Variants in TTLL11 observed in about 807,000 individuals in gnomAD.
The protein encoded by TTLL11 is tubulin tyrosine ligase like 11, also known as tubulin polyglutamylase TTLL11.
A neutral mutation model predicts 51.7 loss-of-function variants in TTLL11; 42 were observed. The ratio of observed to expected loss-of-function variants is 0.81; its 90% CI spans 0.64 to 1.05. The LOEUF (loss-of-function observed/expected upper bound fraction) is 1.05. Among genes scored for constraint, TTLL11 ranks in the 50% least tolerant of loss-of-function variants. The pLI is 0.00. For missense variants in TTLL11, 799 were observed against 940.4 expected (o/e 0.85, Z 1.97); for synonymous variants, 381 against 383.5 (o/e 0.99, Z 0.08).
At chr9:121,908,676 A>G (rs1564299813) in intron 6 of TTLL11, among the ~76,000 whole-genome samples, 1 of 152,234 alleles carries the variant, frequency 6.6e-6, no homozygotes. Flanking sequence ...AGCATCTATT[A>G]TGAGAACAGA....
rs1476316644 is a variant in TTLL11, at chr9:121,949,486, T to A, written c.1481+24523A>T. 2.0e-5 allele frequency among the ~76,000 whole-genome samples: 3 copies of A among 152,178 alleles called. No individual in the cohort carries two copies. The East Asian group carries it at 5.8e-4, about 29-fold the overall frequency. On this transcript the variant is annotated intron_variant, in intron 6 of 8. Coordinates refer to ENST00000321582, the MANE Select transcript of TTLL11 (RefSeq NM_001139442.2). The stretch of plus-strand genomic sequence containing the variant: ...ATGACAATGAGCATAATAACTAACA[T>A]TTTGTGTGATGTCTCATAGTTTAAA...
At chr9:121,862,883 AG>A (rs1432499384) in intron 7 of TTLL11, among the ~76,000 whole-genome samples, 2 of 152,174 alleles carry the variant, frequency 1.3e-5, no homozygotes, top group African/African-American at 4.8e-5. Flanking sequence ...GGGACCGGAC[AG>A]GGGAGGGGTT....
At chr9:121,887,932 G>C (rs1200692258) in intron 6 of TTLL11, among the ~76,000 whole-genome samples, 2 of 152,122 alleles carry the variant, frequency 1.3e-5, no homozygotes, top group Non-Finnish European at 2.9e-5. Flanking sequence ...CACCCAGTGG[G>C]GGTCTGGAGT....
chr9:121,893,462 A>G (rs1372074662), intron 6 of TTLL11, among the ~76,000 whole-genome samples: 1 of 152,176 alleles, frequency 6.6e-6, no homozygotes, highest in Non-Finnish European at 1.5e-5. Context: ...GTTAGGTACT[A>G]TTATCCCCAT....
At chr9:121,964,086 C>G (rs535438832) in intron 6 of TTLL11, among the ~76,000 whole-genome samples, 8 of 151,786 alleles carry the variant, frequency 5.3e-5, no homozygotes, top group Non-Finnish European at 8.8e-5. Flanking sequence ...TCACAGATAC[C>G]TTTCAAGACT....
intron 1 of TTLL11, among the ~76,000 whole-genome samples, chr9:122,089,016 CAAAAAAA>C (rs11432235): frequency 1.1e-5 from 1 of 91,966 alleles, no homozygotes; most frequent in Non-Finnish European, 2.2e-5. Flanking sequence ...CACCCTGTCT[CAAAAAAA>C]AAAAAAAAAA....
chr9:121,834,606 A>G (rs913855314), intron 8 of TTLL11, among the ~76,000 whole-genome samples: 1 of 152,028 alleles, frequency 6.6e-6, no homozygotes, highest in Non-Finnish European at 1.5e-5. Flanking sequence ...AAGCAGGTAG[A>G]TCACAAGGTC....
intron 3 of TTLL11, among the ~76,000 whole-genome samples, chr9:121,996,808 T>C (rs556530056): frequency 6.6e-6 from 1 of 152,370 alleles, no homozygotes; most frequent in African/African-American, 2.4e-5. Context: ...GCTGCTATTA[T>C]AAATTTTGAT....
chr9:121,917,557 GAA>G (rs1840380214), intron 6 of TTLL11, among the ~76,000 whole-genome samples: 11 of 113,372 alleles, frequency 9.7e-5, no homozygotes, highest in African/African-American at 3.5e-4. Flanking sequence ...AAAAGAAAAA[GAA>G]AGAAAGAAAG....
chr9:121,984,386 A>T (rs1230741106), intron 4 of TTLL11, among the ~76,000 whole-genome samples: 11 of 152,242 alleles, frequency 7.2e-5, no homozygotes. Flanking sequence ...CCTATGTGTT[A>T]GGTGCTGTGC....
At chr9:122,017,513 A>G (rs1844023332) in intron 3 of TTLL11, among the ~76,000 whole-genome samples, 2 of 138,820 alleles carry the variant, frequency 1.4e-5, no homozygotes, top group African/African-American at 5.5e-5. Context: ...CCCAGACTGG[A>G]GTGCAGAGGT....
chr9:121,888,616 G>A (rs1046735273), intron 6 of TTLL11, among the ~76,000 whole-genome samples: 1 of 152,304 alleles, frequency 6.6e-6, no homozygotes, highest in Non-Finnish European at 1.5e-5. Flanking sequence ...TTTGTAAAAC[G>A]AATAAATTAG....
At chr9:121,885,531 G>A (rs117679949) in intron 6 of TTLL11, 1 of 152,334 alleles carries the variant, frequency 6.6e-6, no homozygotes, top group East Asian at 1.9e-4. Flanking sequence ...TTGAGGTTAG[G>A]ATTCTTCTTC....
At chr9:121,957,239 G>T (rs1386990829) in intron 6 of TTLL11, among the ~76,000 whole-genome samples, 1 of 152,168 alleles carries the variant, frequency 6.6e-6, no homozygotes, top group Non-Finnish European at 1.5e-5. Flanking sequence ...ACTGCCCAGG[G>T]ACTCTTCCAG....
At chr9:121,924,556 C>T (rs73555612) in intron 6 of TTLL11, among the ~76,000 whole-genome samples, 4 of 151,956 alleles carry the variant, frequency 2.6e-5, no homozygotes, top group Non-Finnish European at 4.4e-5. Context: ...CAAGCAAGAT[C>T]GGGGAAGGAG....
At chr9:121,883,104 T>C (rs1350418399) in intron 6 of TTLL11, among the ~76,000 whole-genome samples, 1 of 152,190 alleles carries the variant, frequency 6.6e-6, no homozygotes, top group African/African-American at 2.4e-5. Flanking sequence ...TTGGGCGTCA[T>C]TTTTCAGCTT....
intron 3 of TTLL11, among the ~76,000 whole-genome samples, chr9:122,016,321 G>A (rs1330526626): frequency 1.3e-5 from 2 of 152,162 alleles, no homozygotes; most frequent in Non-Finnish European, 2.9e-5. Context: ...ATGGGGACAA[G>A]CGTAGCTGCC....
In TTLL11 at chr9:121,881,593, G is replaced by A. The variant is rs146344390; in HGVS notation, c.1482-10845C>T. On this transcript the variant is annotated intron_variant, in intron 6 of 8. Transcript: ENST00000321582. ...GGTCAATTCCCGCGGTACAGGTGTT[G>A]AACACAAAACCAGCTTCACTCAGCA... 3.3e-3 allele frequency among the ~76,000 whole-genome samples: 499 copies of A among 152,328 alleles called. 1 individual carries two copies. The highest frequency in any genetic ancestry group is 5.9e-3 in the Non-Finnish European group (401 of 68,030).
intron 3 of TTLL11, among the ~76,000 whole-genome samples, chr9:122,000,863 G>A (rs912570912): frequency 1.3e-5 from 2 of 152,002 alleles, no homozygotes; most frequent in African/African-American, 4.8e-5. Flanking sequence ...CCTCTCCTGG[G>A]GTCTGGATCA....
Sources: allele counts gnomAD v4.1 joint callset (sites outside exome capture counted in the v4.1 genomes callset), GRCh38; gene constraint gnomAD v4.1.1; transcripts MANE v1.5; gene names NCBI Gene and HGNC (gene_info 2026-07-23, HGNC 2026-07-21).